CWC22: variants seen among roughly 807,000 people sequenced by gnomAD.
CWC22 encodes the protein CWC22 spliceosome associated protein.
In CWC22, 53 loss-of-function variants were observed where a neutral mutation model predicts 117.2. The ratio of observed to expected loss-of-function variants is 0.45; its 90% CI spans 0.36 to 0.57. The LOEUF (loss-of-function observed/expected upper bound fraction) is 0.57, where lower values mean the gene tolerates loss of function less well. Among genes scored for constraint, CWC22 ranks in the 20% least tolerant of loss-of-function variants. CWC22 has a pLI of 0.00. For synonymous variants in CWC22, 360 were observed against 355.6 expected, an observed-to-expected ratio of 1.01 and a Z score of -0.14; for missense variants, 980 against 1,068.8, an observed-to-expected ratio of 0.92 and a Z score of 1.16.
At chr2:180,005,122 A>C (rs1687939816) in intron 1 of CWC22, among the ~76,000 whole-genome samples, 1 of 152,178 alleles carries the variant, frequency 6.6e-6, no homozygotes, top group South Asian at 2.1e-4. Flanking sequence ...ATTGCTAACA[A>C]GCTTCAAGGA....
intron 1 of CWC22, among the ~76,000 whole-genome samples, chr2:180,002,446 A>G (rs1687869754): frequency 6.6e-6 from 1 of 152,234 alleles, no homozygotes; most frequent in South Asian, 2.1e-4. Context: ...TGGGCAACAT[A>G]GTGAGATCCC....
At chr2:179,976,288 C>T (rs938495045) in intron 6 of CWC22, among the ~76,000 whole-genome samples, 3 of 152,156 alleles carry the variant, frequency 2.0e-5, no homozygotes, top group African/African-American at 7.2e-5. Flanking sequence ...AGACCTGAAA[C>T]TGTGAAACTA....
chr2:179,970,346 A>G (rs1686999757), intron 11 of CWC22, among the ~76,000 whole-genome samples, 155 bp downstream of exon 11: 1 of 152,154 alleles, frequency 6.6e-6, no homozygotes, highest in Non-Finnish European at 1.5e-5. Flanking sequence ...AGCACCAGGA[A>G]AAAAATAATG....
rs1575652450 is a variant in CWC22 at position 179,982,074 on chromosome 2, T to C, written c.207-77A>G. On this transcript the variant is annotated intron_variant, in intron 4 of 19. Coordinates refer to ENST00000410053, the MANE Select transcript of CWC22 (RefSeq NM_020943.3). The stretch of plus-strand genomic sequence containing the variant: ...TAGCAATTAACTGCACACAAATGAG[T>C]GAGACCATAAGTGGGTCCCACAAAT... The C allele has an allele frequency of 3.4e-5, 26 of 768,424 alleles. No homozygotes were observed. In the East Asian group the frequency reaches 6.9e-4, roughly 21 times the overall value. 47.6% of individuals were successfully genotyped at this position (768,424 alleles called of 1,614,324 possible). A position where few individuals can be genotyped will look rare whatever the true frequency, so the allele number is the denominator to read the frequency against.
intron 1 of CWC22, among the ~76,000 whole-genome samples, chr2:180,005,775 A>G (rs982594642): frequency 1.3e-5 from 2 of 152,252 alleles, no homozygotes; most frequent in Non-Finnish European, 2.9e-5. Flanking sequence ...TACTCAAAAA[A>G]AGACAATACA....
rs140406349 is a variant in CWC22, at chr2:179,987,555, T to C, written c.96-750A>G. Among the ~76,000 whole-genome samples, 4 of 152,234 alleles carry C rather than the reference T, an allele frequency of 2.6e-5. No individual in the cohort carries two copies. The East Asian group carries it at 5.8e-4, about 22-fold the overall frequency. ...ACAATCGGTGAAAGATAGTAAGTAA[T>C]TATGAATCAGGGCAATTAACTTGAT... On this transcript the variant is annotated intron_variant, in intron 3 of 19. Coordinates refer to ENST00000410053, the MANE Select transcript of CWC22 (RefSeq NM_020943.3).
At chr2:179,983,830 C>G (rs1438527529) in intron 4 of CWC22, among the ~76,000 whole-genome samples, 2 of 152,094 alleles carry the variant, frequency 1.3e-5, no homozygotes, top group African/African-American at 2.4e-5. Flanking sequence ...ATTGCTTCTT[C>G]TTGTGAATAT....
chr2:179,986,867 A>G (rs1687431700), intron 3 of CWC22, 62 bp from the exon 4 acceptor site: 2 of 885,592 alleles, frequency 2.3e-6, no homozygotes, highest in Admixed American at 2.8e-5. Context: ...AATATTTAGG[A>G]AAGTCATATA....
intron 8 of CWC22, among the ~76,000 whole-genome samples, chr2:179,971,793 T>TCA: frequency 6.6e-6 from 1 of 152,284 alleles, no homozygotes; most frequent in East Asian, 1.9e-4. Flanking sequence ...CTTTCTAAAG[T>TCA]CAGACAGTGA....
intron 16 of CWC22, 30 bp from the exon 17 acceptor site, chr2:179,952,628 T>C (rs1414528445): frequency 2.4e-6 from 3 of 1,256,444 alleles, no homozygotes; most frequent in Non-Finnish European, 3.2e-6. Context: ...AAGACAAGTA[T>C]ATTTTAATTT....
At chr2:179,958,689 C>T (rs1337023419) in intron 14 of CWC22, among the ~76,000 whole-genome samples, 1 of 151,992 alleles carries the variant, frequency 6.6e-6, no homozygotes, top group Admixed American at 6.6e-5. Context: ...AGAAGATGGA[C>T]CACATAATCC....
chr2:179,952,348 T>C, intron 17 of CWC22, 123 bp downstream of exon 17: 2 of 548,032 alleles, frequency 3.6e-6, no homozygotes, highest in Non-Finnish European at 5.7e-6. Context: ...CAGTGATTAA[T>C]GGATGAAGAA....
At chr2:179,969,066 G>A (rs975726075) in intron 11 of CWC22, among the ~76,000 whole-genome samples, 1 of 152,228 alleles carries the variant, frequency 6.6e-6, no homozygotes, top group Admixed American at 6.5e-5. Context: ...ATCCTGAGAC[G>A]AAAGAATTTG....
intron 4 of CWC22, among the ~76,000 whole-genome samples, chr2:179,984,044 A>G (rs545627016): frequency 1.3e-5 from 2 of 152,260 alleles, no homozygotes; most frequent in East Asian, 3.9e-4. Context: ...TATGTTCTGC[A>G]TAATACCTAG....
In CWC22 at chr2:180,001,330, C is replaced by CT. The variant is rs1301402204; in HGVS notation, c.-114+5536dup. Among the ~76,000 whole-genome samples, 397 of 143,708 alleles carry CT rather than the reference C, an allele frequency of 2.8e-3. 1 individual carries two copies. Among genetic ancestry groups the CT allele is most frequent in the African/African-American group, 3.3e-3 (130 of 39,402 alleles). 94.3% of individuals were successfully genotyped at this position (143,708 alleles called of 152,430 possible). A position where few individuals can be genotyped will look rare whatever the true frequency, so the allele number is the denominator to read the frequency against. On this transcript the variant is annotated intron_variant, in intron 1 of 19. Coordinates refer to ENST00000410053, the MANE Select transcript of CWC22 (RefSeq NM_020943.3). The stretch of plus-strand genomic sequence containing the variant: ...CACTTGATGCCTCTAATTTTTTTTT[C>CT]TTTTTTTTTTTTCTTGAGACAGAGT...
chr2:179,988,669 C>A, intron 2 of CWC22, 25 bp from the exon 3 acceptor site: 1 of 1,311,534 alleles, frequency 7.6e-7, no homozygotes, highest in Non-Finnish European at 1.0e-6. Context: ...AAGGGGAAAA[C>A]ATTTCAAAAA....
chr2:179,958,089 G>T (rs1163878472), intron 14 of CWC22, among the ~76,000 whole-genome samples: 3 of 152,022 alleles, frequency 2.0e-5, no homozygotes, highest in Non-Finnish European at 4.4e-5. Flanking sequence ...CCACTGCCTT[G>T]GGAGGCCGAG....
chr2:179,969,000 AC>A (rs1686963602), intron 11 of CWC22, among the ~76,000 whole-genome samples: 1 of 152,184 alleles, frequency 6.6e-6, no homozygotes, highest in Non-Finnish European at 1.5e-5. Flanking sequence ...AATAGATACA[AC>A]CCACATAAAA....
chr2:180,000,240 A>T (rs10497555), intron 1 of CWC22, among the ~76,000 whole-genome samples: 2 of 152,074 alleles, frequency 1.3e-5, no homozygotes, highest in Non-Finnish European at 1.5e-5. Flanking sequence ...AAGAAAATAA[A>T]AGGGTCAAAA....
Sources: gnomAD v4.1 joint callset for allele counts (sites outside exome capture counted in the v4.1 genomes callset) on GRCh38, gnomAD v4.1.1 for gene constraint, MANE v1.5 for transcripts, NCBI Gene and HGNC (gene_info 2026-07-23, HGNC 2026-07-21) for gene names.